The following KLHL4 variants were observed in gnomAD, a reference collection of about 807,000 sequenced individuals.
The protein encoded by KLHL4 is kelch like family member 4.
In KLHL4, 17 loss-of-function variants were observed where a neutral mutation model predicts 45.8. The observed-to-expected ratio is 0.37, with a 90% CI of 0.25 to 0.56. The LOEUF (loss-of-function observed/expected upper bound fraction) is 0.56. Ranked by LOEUF, KLHL4 falls within the 20% of genes least tolerant of loss-of-function variation. The pLI, the probability that KLHL4 is intolerant of heterozygous loss-of-function variation, is 0.79. For missense variants in KLHL4, 544 were observed against 544.9 expected (o/e 1.00, Z 0.02); for synonymous variants, 224 against 189.9 (o/e 1.18, Z -1.47).
chrX:87,531,051 G>C (rs1316597784), intron 1 of KLHL4, among the ~76,000 whole-genome samples: 3 of 111,919 alleles, frequency 2.7e-5, no homozygotes, highest in Non-Finnish European at 3.8e-5. Flanking sequence ...TGTGTCCTTT[G>C]GCTGCATAAA....
Position 87,526,032 on chromosome X carries a change from A to G in KLHL4, c.422+7717A>G, listed in dbSNP as rs186008973. 1.8e-4 allele frequency among the ~76,000 whole-genome samples: 20 copies of G among 111,603 alleles called. 1 individual carries two copies. In the East Asian group the frequency reaches 5.7e-3, roughly 32 times the overall value. On this transcript the variant is annotated intron_variant, in intron 1 of 10. Coordinates refer to ENST00000373119, the MANE Select transcript of KLHL4 (RefSeq NM_019117.5). ...TAACAGAAGCAATTGGTTCTTCATC[A>G]AGCCCTGGGTAGCTTACTAAAGGCA...
rs761540096 is a variant in KLHL4, at chrX:87,656,292, T to G, written c.1926-8472T>G. Among the ~76,000 whole-genome samples, 5 of 111,002 alleles carry G rather than the reference T, an allele frequency of 4.5e-5. No homozygotes were observed. The South Asian group carries it at 1.2e-3, about 26-fold the overall frequency. On this transcript the variant is annotated intron_variant, in intron 9 of 10. Coordinates refer to ENST00000373119, the MANE Select transcript of KLHL4 (RefSeq NM_019117.5). ...CAAATAGTTTCCCAGACTTTGGGGT[T>G]TCTTCTTCTCCCCCAGGAATACCTA...
At chrX:87,574,798 A>G (rs796353762) in intron 1 of KLHL4, among the ~76,000 whole-genome samples, 1 of 111,858 alleles carries the variant, frequency 8.9e-6, no homozygotes, top group South Asian at 3.7e-4. Context: ...TTATTAACTT[A>G]TTAACTTAAA....
At chrX:87,531,783 A>G (rs1395426218) in intron 1 of KLHL4, among the ~76,000 whole-genome samples, 1 of 96,055 alleles carries the variant, frequency 1.0e-5, no homozygotes, top group Non-Finnish European at 2.0e-5. Flanking sequence ...AAGGGATGTC[A>G]AGGACCTCTT....
chrX:87,595,884 C>T (rs750519885), intron 1 of KLHL4, among the ~76,000 whole-genome samples: 2 of 111,304 alleles, frequency 1.8e-5, no homozygotes, highest in Non-Finnish European at 3.8e-5. Flanking sequence ...TGGATGTTGT[C>T]CCCACCCAAA....
chrX:87,564,456 C>A (rs1932167075), intron 1 of KLHL4, among the ~76,000 whole-genome samples: 1 of 109,944 alleles, frequency 9.1e-6, no homozygotes. Context: ...ACTTTTAGAT[C>A]AAGACACAAA....
At chrX:87,636,596 G>A (rs1923271276) in intron 9 of KLHL4, among the ~76,000 whole-genome samples, 1 of 111,178 alleles carries the variant, frequency 9.0e-6, no homozygotes, top group African/African-American at 3.3e-5. Flanking sequence ...CTGCTCACTG[G>A]CTGCCTTGAA....
chrX:87,558,391 T>A (rs997971695), intron 1 of KLHL4, among the ~76,000 whole-genome samples: 7 of 103,297 alleles, frequency 6.8e-5, no homozygotes, highest in Non-Finnish European at 1.4e-4. Flanking sequence ...CTCACATATA[T>A]GTGTTCAATA....
chrX:87,659,968 G>GTGTGTGTT (rs1924132908), intron 9 of KLHL4, among the ~76,000 whole-genome samples: 1 of 108,861 alleles, frequency 9.2e-6, no homozygotes, highest in African/African-American at 3.5e-5. Context: ...GAGTGTGTGT[G>GTGTGTGTT]TGTGTGTGTG....
chrX:87,665,451 G>A lies in KLHL4; in HGVS notation c.2097+516G>A, dbSNP rs1377623315. Among the ~76,000 whole-genome samples the A allele has an allele frequency of 4.5e-5, 5 of 110,697 alleles. No individual in the cohort carries two copies. The East Asian group carries it at 1.1e-3, about 25-fold the overall frequency. ...AATTCTTCAGTCAGTCAATAATTTA[G>A]TAAACAATAAGGGACCAGAATTAAA... On this transcript the variant is annotated intron_variant, in intron 10 of 10. Coordinates refer to ENST00000373119, the MANE Select transcript of KLHL4 (RefSeq NM_019117.5).
rs1022178988 is a variant in KLHL4, at chrX:87,520,879, G to A, written c.422+2564G>A. On this transcript the variant is annotated intron_variant, in intron 1 of 10. Coordinates refer to ENST00000373119, the MANE Select transcript of KLHL4 (RefSeq NM_019117.5). ...TTTAATTATGAAATAATATATATAGGTATTTGCAATTGCTCATAAACATAT... is the reference window on the plus strand; with the variant it reads ...TTTAATTATGAAATAATATATATAGATATTTGCAATTGCTCATAAACATAT... 4.5e-5 allele frequency among the ~76,000 whole-genome samples: 5 copies of A among 111,844 alleles called. No individual in the cohort carries two copies. The South Asian group carries it at 1.9e-3, about 41-fold the overall frequency.
chrX:87,603,883 C>T (rs968058063), intron 1 of KLHL4, among the ~76,000 whole-genome samples: 1 of 110,043 alleles, frequency 9.1e-6, no homozygotes, highest in Non-Finnish European at 1.9e-5. Context: ...TCTCCACCCT[C>T]CCTTTCCCCA....
At chrX:87,545,870 C>T (rs1260085368) in intron 1 of KLHL4, among the ~76,000 whole-genome samples, 2 of 111,119 alleles carry the variant, frequency 1.8e-5, no homozygotes, top group Non-Finnish European at 3.8e-5. Flanking sequence ...TATTGGGAAC[C>T]GGTGTAAAGG....
chrX:87,558,710 A>T (rs1932034051), intron 1 of KLHL4, among the ~76,000 whole-genome samples: 1 of 111,832 alleles, frequency 8.9e-6, no homozygotes, highest in Non-Finnish European at 1.9e-5. Context: ...TTAATTTCTC[A>T]TTTGCAGAGA....
intron 1 of KLHL4, among the ~76,000 whole-genome samples, chrX:87,544,644 TACA>T (rs1391753328): frequency 4.5e-5 from 5 of 111,195 alleles, no homozygotes; most frequent in Non-Finnish European, 9.4e-5. Context: ...AGTAAGAAAA[TACA>T]ACAAGAGTCT....
chrX:87,669,594 G>T lies in KLHL4; in HGVS notation c.*3060G>T. ...ACTCCTACCTTGAGATCTTAGTCTA[G>T]GTAAAGAAAAAAAAAAAAAGGTCAT... On this transcript the variant is annotated 3_prime_UTR_variant, in exon 11 of 11. Transcript: ENST00000373119. 3.0e-6 allele frequency: 1 copy of T among 337,746 alleles called. No individual in the cohort carries two copies. The highest frequency in any genetic ancestry group is 4.8e-6 in the Non-Finnish European group (1 of 210,286). The allele number at this position is 337,746 out of a possible 1,213,427, so 27.8% of individuals were successfully genotyped here.
chrX:87,662,799 G>A (rs1428467686), intron 9 of KLHL4, among the ~76,000 whole-genome samples: 2 of 109,054 alleles, frequency 1.8e-5, no homozygotes, highest in East Asian at 2.9e-4. Flanking sequence ...TCGTGGTGGC[G>A]GGCGCCTGTA....
chrX:87,584,836 C>T (rs1921408550), intron 1 of KLHL4, among the ~76,000 whole-genome samples: 1 of 95,222 alleles, frequency 1.1e-5, no homozygotes, highest in East Asian at 3.6e-4. Context: ...CTTCCCAAAC[C>T]TAGGAAAAGT....
intron 9 of KLHL4, among the ~76,000 whole-genome samples, chrX:87,660,397 TA>T (rs1391326241): frequency 3.6e-5 from 4 of 112,388 alleles, no homozygotes; most frequent in African/African-American, 1.3e-4. Context: ...ATAACTTCTT[TA>T]TAAAACTCTT....
Sources: allele counts gnomAD v4.1 joint callset (sites outside exome capture counted in the v4.1 genomes callset), GRCh38; gene constraint gnomAD v4.1.1; transcripts MANE v1.5; gene names NCBI Gene and HGNC (gene_info 2026-07-23, HGNC 2026-07-21).